Variants in NPC1 observed in about 807,000 individuals in gnomAD.
The protein encoded by NPC1 is Niemann-Pick C1 protein.
A neutral mutation model predicts 140.4 loss-of-function variants in NPC1; 85 were observed. That is an observed-to-expected ratio of 0.61 (90% CI 0.51 to 0.72). NPC1 has a LOEUF of 0.72. Ranked by LOEUF, NPC1 falls within the 30% of genes least tolerant of loss-of-function variation. The pLI is 0.00. For synonymous variants in NPC1, 656 were observed against 624.8 expected (o/e 1.05, Z -0.74); for missense variants, 1,504 against 1,623.8 (o/e 0.93, Z 1.27).
intron 3 of NPC1, among the ~76,000 whole-genome samples, chr18:23,512,328 A>G (rs2057884580): frequency 6.6e-6 from 1 of 152,054 alleles, no homozygotes; most frequent in South Asian, 2.1e-4. Context: ...GCCGAAAGAC[A>G]TTTTAATTTG....
At chr18:23,571,968 CAT>C (rs2059210613) in intron 3 of NPC1, 104 bp downstream of exon 3, 1 of 568,446 alleles carries the variant, frequency 1.8e-6, no homozygotes, top group African/African-American at 1.9e-5. Context: ...ATAATATAGA[CAT>C]ATAATAAATA....
At chr18:23,522,887 T>TG (rs1337300272) in exon 2 of NPC1, 1 of 152,192 alleles carries the variant, frequency 6.6e-6, no homozygotes, top group Non-Finnish European at 1.5e-5. Context: ...TGGGTGGGCG[T>TG]GCTCAGGAAT....
chr18:23,534,588 C>T (rs761070928), intron 22 of NPC1, 29 bp from the exon 23 acceptor site: 5 of 1,569,712 alleles, frequency 3.2e-6, no homozygotes, highest in African/African-American at 1.3e-5. Flanking sequence ...TTTAGGATGG[C>T]TCTCTTCCTG....
rs955299130 is a variant in NPC1, at chr18:23,535,404, A to G, written c.3477+65T>C. 1.2e-5 allele frequency: 14 copies of G among 1,175,808 alleles called. No individual in the cohort carries two copies. In the Admixed American group the frequency reaches 1.5e-4, roughly 13 times the overall value. 72.8% of individuals were successfully genotyped at this position (1,175,808 alleles called of 1,614,324 possible). A position where few individuals can be genotyped will look rare whatever the true frequency, so the allele number is the denominator to read the frequency against. The stretch of plus-strand genomic sequence containing the variant: ...CATCTTTAGGGTTTACATGGAATCT[A>G]AGACAGCCAATTCCCCCAAGTGAAA... On this transcript the variant is annotated intron_variant, in intron 22 of 24. Transcript: ENST00000269228.
chr18:23,513,283 A>G (rs1217999951), intron 3 of NPC1, among the ~76,000 whole-genome samples: 1 of 152,248 alleles, frequency 6.6e-6, no homozygotes, highest in Non-Finnish European at 1.5e-5. Context: ...ACTTCATATA[A>G]GTGAAATTAT....
chr18:23,531,398 ATG>A (rs2058500123), downstream of NPC1: 2 of 809,992 alleles, frequency 2.5e-6, no homozygotes, highest in Non-Finnish European at 3.6e-6. Flanking sequence ...TTCTAGCTCA[ATG>A]TAAGACGGCA....
chr18:23,526,613 T>A (rs966457251), downstream of NPC1: 2 of 1,612,448 alleles, frequency 1.2e-6, no homozygotes, highest in Non-Finnish European at 8.5e-7. Flanking sequence ...CATACTGTTT[T>A]ATTTGCTGCC....
chr18:23,528,460 G>GTCTCC (rs1598912018), downstream of NPC1: 14 of 153,704 alleles, frequency 9.1e-5, 1 homozygote, highest in East Asian at 2.7e-3. Context: ...TTAGGACAAG[G>GTCTCC]AGAATGAATT....
chr18:23,563,124 A>C (rs2059067974), intron 4 of NPC1, among the ~76,000 whole-genome samples: 1 of 152,158 alleles, frequency 6.6e-6, no homozygotes, highest in Non-Finnish European at 1.5e-5. Flanking sequence ...CAATCATATA[A>C]TATGTGGTCT....
At chr18:23,577,366 C>A in intron 1 of NPC1, among the ~76,000 whole-genome samples, 1 of 148,854 alleles carries the variant, frequency 6.7e-6, no homozygotes, top group Non-Finnish European at 1.5e-5. Context: ...ACACAGGGTG[C>A]TGATTGGTGT....
At chr18:23,562,065 G>A (rs773355926) in intron 4 of NPC1, among the ~76,000 whole-genome samples, 5 of 152,232 alleles carry the variant, frequency 3.3e-5, no homozygotes, top group African/African-American at 7.2e-5. Flanking sequence ...CGAGGTGGGC[G>A]GACCACCAGG....
chr18:23,517,671 C>A (rs1295128093), downstream of NPC1, among the ~76,000 whole-genome samples: 1 of 152,058 alleles, frequency 6.6e-6, no homozygotes, highest in African/African-American at 2.4e-5. Context: ...AATGTTCTTT[C>A]ATTTCTTCTT....
intron 1 of NPC1, among the ~76,000 whole-genome samples, chr18:23,523,446 C>T (rs946254125): frequency 3.3e-4 from 47 of 141,454 alleles, no homozygotes; most frequent in African/African-American, 1.2e-3. Flanking sequence ...CACAGTGGCT[C>T]ATGCCTGTAA....
chr18:23,538,530 AG>A lies in NPC1; in HGVS notation c.3041+11del, dbSNP rs772618495. On this transcript the variant is annotated intron_variant, in intron 20 of 24. Transcript: ENST00000269228. ...GCAGTGGATGCTTATCTGCAATGGC[AG>A]CAGCACTTACCCTTTGCCACACTTG... is the stretch of plus-strand genomic sequence containing the variant. 1 of 1,614,166 alleles carries A rather than the reference AG, an allele frequency of 6.2e-7. No individual in the cohort carries two copies. The highest frequency in any genetic ancestry group is 1.3e-5 in the African/African-American group (1 of 75,066).
chr18:23,583,863 T>G (rs2059384913), intron 1 of NPC1, among the ~76,000 whole-genome samples: 1 of 152,174 alleles, frequency 6.6e-6, no homozygotes, highest in Non-Finnish European at 1.5e-5. Context: ...ACAGCATCAG[T>G]CAAGGAGTGG....
downstream of NPC1, among the ~76,000 whole-genome samples, chr18:23,519,329 G>A (rs562603731): frequency 2.1e-3 from 320 of 152,240 alleles, no homozygotes; most frequent in Admixed American, 3.9e-3. Flanking sequence ...ACCAGCCTGA[G>A]CAGCATGGCA....
rs747957171 is a variant in NPC1 at position 23,544,949 on chromosome 18, C to A, written c.1947+11G>T. ...AACCTCTAGAACATACACCACCCCC[C>A]CCCGGCTTACCAGAAGCCTGCGACA... On this transcript the variant is annotated intron_variant, in intron 12 of 24. Transcript: ENST00000269228. 3.4e-5 allele frequency: 47 copies of A among 1,401,990 alleles called. 2 individuals are homozygous for A. Among genetic ancestry groups the A allele is most frequent in the South Asian group, 1.9e-4 (16 of 85,658 alleles). 86.8% of individuals were successfully genotyped at this position (1,401,990 alleles called of 1,614,324 possible). A position where few individuals can be genotyped will look rare whatever the true frequency, so the allele number is the denominator to read the frequency against.
intron 18 of NPC1, 40 bp downstream of exon 18, chr18:23,539,771 C>A (rs1388667858): frequency 6.2e-7 from 1 of 1,601,854 alleles, no homozygotes; most frequent in African/African-American, 1.3e-5. Context: ...CTGAGAGCCT[C>A]CTCCGCTGCT....
chr18:23,586,042 G>T (rs2059414391), intron 1 of NPC1, among the ~76,000 whole-genome samples: 1 of 152,138 alleles, frequency 6.6e-6, no homozygotes, highest in African/African-American at 2.4e-5. Flanking sequence ...GAGAAATTAG[G>T]TGACCACAGA....
Sources: gnomAD v4.1 joint callset for allele counts (sites outside exome capture counted in the v4.1 genomes callset) on GRCh38, gnomAD v4.1.1 for gene constraint, MANE v1.5 for transcripts, NCBI Gene and HGNC (gene_info 2026-07-23, HGNC 2026-07-21) for gene names.